MSH4: variants seen among roughly 807,000 people sequenced by gnomAD.
MSH4 encodes mutS protein homolog 4.
A neutral mutation model predicts 113.7 loss-of-function variants in MSH4; 106 were observed. The ratio of observed to expected loss-of-function variants is 0.93; its 90% CI spans 0.80 to 1.10. MSH4 has a LOEUF of 1.10. Among genes scored for constraint, MSH4 ranks in the 50% least tolerant of loss-of-function variants. The pLI, the probability that MSH4 is intolerant of heterozygous loss-of-function variation, is 0.00. For missense variants in MSH4, 1,061 were observed against 1,093.7 expected (o/e 0.97, Z 0.42); for synonymous variants, 368 against 380.2 (o/e 0.97, Z 0.37).
At chr1:75,886,501 G>A (rs1378781545) in intron 15 of MSH4, among the ~76,000 whole-genome samples, 8 of 98,382 alleles carry the variant, frequency 8.1e-5, no homozygotes, top group Admixed American at 2.6e-4. Flanking sequence ...TATATATGAT[G>A]TATTATATAT....
At chr1:75,902,216 C>T (rs1652520790) in intron 19 of MSH4, among the ~76,000 whole-genome samples, 1 of 151,722 alleles carries the variant, frequency 6.6e-6, no homozygotes, top group Admixed American at 6.6e-5. Flanking sequence ...TTTTATTTTA[C>T]TTTATTTTAG....
chr1:75,865,301 GT>G (rs201922393), intron 8 of MSH4, among the ~76,000 whole-genome samples: 5 of 151,774 alleles, frequency 3.3e-5, no homozygotes, highest in East Asian at 1.9e-4. Context: ...TAGTTTATCA[GT>G]TTTTTTTCCC....
chr1:75,890,035 A>G (rs1652215752), intron 16 of MSH4, among the ~76,000 whole-genome samples: 1 of 152,076 alleles, frequency 6.6e-6, no homozygotes, highest in East Asian at 1.9e-4. Flanking sequence ...ATATTTTTAA[A>G]TGGTCCTAGC....
In MSH4 at chr1:75,811,033, A is replaced by G. The variant is rs1007086311; in HGVS notation, c.699+226A>G. ...ACTACAGGCGTGTGTTACCACACCC[A>G]GCTAATTTTTGTATTTTTAGTAGAA... On this transcript the variant is annotated intron_variant, in intron 4 of 19. Coordinates refer to ENST00000263187, the MANE Select transcript of MSH4 (RefSeq NM_002440.4). Among the ~76,000 whole-genome samples, 59 of 152,050 alleles carry G rather than the reference A, an allele frequency of 3.9e-4. 1 individual carries two copies. The highest frequency in any genetic ancestry group is 1.4e-3 in the African/African-American group (58 of 41,508).
At chr1:75,853,055 C>CTTTG (rs71813389) in intron 8 of MSH4, among the ~76,000 whole-genome samples, 2,538 of 151,318 alleles carry the variant, frequency 0.017, 69 homozygotes, top group African/African-American at 0.056. Context: ...AACTATTTTT[C>CTTTG]TTTGTTTGTT....
intron 6 of MSH4, among the ~76,000 whole-genome samples, chr1:75,820,468 A>C (rs1363827449): frequency 6.6e-6 from 1 of 152,156 alleles, no homozygotes; most frequent in Non-Finnish European, 1.5e-5. Context: ...TTTGGTTGGT[A>C]AGCTATTAAT....
chr1:75,887,055 T>C (rs1652141606), intron 15 of MSH4, among the ~76,000 whole-genome samples: 1 of 151,864 alleles, frequency 6.6e-6, no homozygotes. Flanking sequence ...GATCACCCAG[T>C]ATAAATCCTT....
intron 8 of MSH4, among the ~76,000 whole-genome samples, chr1:75,856,289 C>G (rs141790808): frequency 1.9e-3 from 292 of 151,646 alleles, no homozygotes; most frequent in African/African-American, 6.7e-3. Flanking sequence ...TTCTTTCTTT[C>G]TTTCTTTTTT....
chr1:75,897,881 T>C, intron 17 of MSH4, 26 bp from the exon 18 acceptor site: 1 of 1,368,712 alleles, frequency 7.3e-7, no homozygotes, highest in Non-Finnish European at 9.6e-7. Context: ...AAAGTACTAA[T>C]ATTCATTGTC....
In MSH4 at chr1:75,796,948, A is replaced by G; in HGVS notation, c.-38A>G. The G allele has an allele frequency of 6.2e-7, 1 of 1,610,010 alleles. No individual in the cohort carries two copies. Among genetic ancestry groups the G allele is most frequent in the Admixed American group, 1.7e-5 (1 of 59,720 alleles). ...TTGGGCTACTGGAGGGGTCGCTCAG[A>G]AACCTCATACTTCTCGGGTCAGGGA... On this transcript the variant is annotated 5_prime_UTR_variant, in exon 1 of 20. Transcript: ENST00000263187.
chr1:75,848,662 T>C (rs1464209644), intron 8 of MSH4, among the ~76,000 whole-genome samples: 1 of 152,018 alleles, frequency 6.6e-6, no homozygotes, highest in African/African-American at 2.4e-5. Flanking sequence ...AACTTAAGCC[T>C]TGGGAGGTCA....
At chr1:75,855,033 G>GT (rs35656516) in intron 8 of MSH4, among the ~76,000 whole-genome samples, 63 of 149,466 alleles carry the variant, frequency 4.2e-4, no homozygotes, top group African/African-American at 1.1e-3. Flanking sequence ...ATTTGTATTA[G>GT]TTTTTTTTTT....
At chr1:75,890,421 T>C (rs1038325733) in intron 16 of MSH4, among the ~76,000 whole-genome samples, 2 of 152,072 alleles carry the variant, frequency 1.3e-5, no homozygotes, top group Non-Finnish European at 2.9e-5. Flanking sequence ...ATTTTTTCAC[T>C]GTATCTAAAG....
chr1:75,885,311 C>T (rs1652047649), intron 15 of MSH4, among the ~76,000 whole-genome samples: 1 of 58,146 alleles, frequency 1.7e-5, no homozygotes, highest in African/African-American at 6.2e-5. Flanking sequence ...TATAGACTCA[C>T]ACTGGGGGTG....
intron 8 of MSH4, among the ~76,000 whole-genome samples, chr1:75,854,441 G>A (rs1289321410): frequency 6.6e-6 from 1 of 151,920 alleles, no homozygotes; most frequent in African/African-American, 2.4e-5. Context: ...AGCCTACTTG[G>A]GATCCAAAAC....
intron 10 of MSH4, 65 bp from the exon 11 acceptor site, chr1:75,878,084 A>G (rs1651853078): frequency 8.1e-7 from 1 of 1,234,642 alleles, no homozygotes. Flanking sequence ...TGTGATTCAA[A>G]TTATAAATTA....
chr1:75,830,885 C>T (rs764994295), intron 7 of MSH4, among the ~76,000 whole-genome samples: 60 of 152,098 alleles, frequency 3.9e-4, no homozygotes, highest in Non-Finnish European at 5.7e-4. Flanking sequence ...CACCAACTGA[C>T]GAGCAAAATC....
At position 75,825,642 on chromosome 1, in the gene MSH4, A is replaced by G. The variant is rs139396579; in HGVS notation, c.1162+3061A>G. ...TACTATTTTGAGATATGTTCCATCA[A>G]TACCTAGTTTATTGACAGTTTTTTA... is the stretch of plus-strand genomic sequence containing the variant. On this transcript the variant is annotated intron_variant, in intron 7 of 19. Coordinates refer to ENST00000263187, the MANE Select transcript of MSH4 (RefSeq NM_002440.4). 7.3e-3 allele frequency among the ~76,000 whole-genome samples: 1,105 copies of G among 152,298 alleles called. 13 individuals carry two copies. The highest frequency in any genetic ancestry group is 0.012 in the Non-Finnish European group (789 of 68,024).
intron 6 of MSH4, among the ~76,000 whole-genome samples, chr1:75,817,938 C>G (rs1301706426): frequency 6.6e-6 from 1 of 151,664 alleles, no homozygotes; most frequent in Non-Finnish European, 1.5e-5. Flanking sequence ...ATTCTTGTTT[C>G]CTCTCCTTTC....
Sources: gnomAD v4.1 joint callset for allele counts (sites outside exome capture counted in the v4.1 genomes callset) on GRCh38, gnomAD v4.1.1 for gene constraint, MANE v1.5 for transcripts, NCBI Gene and HGNC (gene_info 2026-07-23, HGNC 2026-07-21) for gene names.